Variants in PAK1 observed in about 807,000 individuals in gnomAD.
PAK1 encodes serine/threonine-protein kinase PAK 1.
Under a neutral mutation model 67.4 loss-of-function variants are expected in PAK1, and 29 were observed. The observed-to-expected ratio is 0.43, with a 90% CI of 0.32 to 0.59. PAK1 has a LOEUF of 0.59. Among genes scored for constraint, PAK1 ranks in the 20% least tolerant of loss-of-function variants. PAK1 has a pLI of 0.07. For missense variants in PAK1, 337 were observed against 670.7 expected, an observed-to-expected ratio of 0.50 and a Z score of 5.50; for synonymous variants, 223 against 237.4, an observed-to-expected ratio of 0.94 and a Z score of 0.56.
At chr11:77,492,358 C>CA in the PAK1 span, among the ~76,000 whole-genome samples, 15,801 of 140,296 alleles carry the variant, frequency 0.11, 1,498 homozygotes, top group African/African-American at 0.27. Context: ...AAAACAACAA[C>CA]AAAAAAAAAA....
At chr11:77,403,421 A>G (rs1260302795) in intron 1 of PAK1, among the ~76,000 whole-genome samples, 1 of 152,220 alleles carries the variant, frequency 6.6e-6, no homozygotes, top group Non-Finnish European at 1.5e-5. Context: ...GATTACACCC[A>G]GGACCTTATC....
Position 77,359,031 on chromosome 11 carries a change from AAAAGC to A in PAK1, c.478-19_478-15del, listed in dbSNP as rs761733356. 1 of 1,611,644 alleles carries A rather than the reference AAAAGC, an allele frequency of 6.2e-7. No homozygotes were observed. Among genetic ancestry groups the A allele is most frequent in the South Asian group, 1.1e-5 (1 of 90,972 alleles). ...AGCCTTCACATTCTGTGCAAAGAAG[AAAAGC>A]AAGATGCATCTGGTCCAGCTGCCAT... On this transcript the variant is annotated splice_polypyrimidine_tract_variant and intron_variant, in intron 5 of 14. Coordinates refer to ENST00000356341, the MANE Select transcript of PAK1 (RefSeq NM_002576.5).
chr11:77,401,356 G>C (rs1219796634), intron 1 of PAK1, among the ~76,000 whole-genome samples: 3 of 152,122 alleles, frequency 2.0e-5, no homozygotes, highest in Admixed American at 6.5e-5. Flanking sequence ...ACACCTGCTA[G>C]AGCAACAGTG....
At chr11:77,325,975 G>A (rs1482073946) in intron 14 of PAK1, among the ~76,000 whole-genome samples, 2 of 152,148 alleles carry the variant, frequency 1.3e-5, no homozygotes, top group Non-Finnish European at 2.9e-5. Flanking sequence ...CAATAGGAAA[G>A]AGATTCATAA....
chr11:77,516,725 T>G, the PAK1 span, among the ~76,000 whole-genome samples: 1 of 151,608 alleles, frequency 6.6e-6, no homozygotes, highest in African/African-American at 2.4e-5. Context: ...CTACAAAGTC[T>G]AGGCATGGTG....
intron 9 of PAK1, among the ~76,000 whole-genome samples, chr11:77,348,705 C>A (rs565058509): frequency 5.3e-5 from 8 of 152,304 alleles, no homozygotes; most frequent in African/African-American, 1.7e-4. Context: ...TCCTGTTGAA[C>A]CTACCTGCTA....
rs141093618 is a variant in PAK1 at position 77,384,855 on chromosome 11, G to A, written c.191-4861C>T. ...ATCTTATGAATATACTAAAAACCACGGAATTGTACATTTTAAGATGGTGAC... is the reference window on the plus strand; with the variant it reads ...ATCTTATGAATATACTAAAAACCACAGAATTGTACATTTTAAGATGGTGAC... On this transcript the variant is annotated intron_variant, in intron 2 of 14. Coordinates refer to ENST00000356341, the MANE Select transcript of PAK1 (RefSeq NM_002576.5). Among the ~76,000 whole-genome samples the A allele has an allele frequency of 3.1e-3, 477 of 152,054 alleles. 4 individuals are homozygous for A. Among genetic ancestry groups the A allele is most frequent in the African/African-American group, 0.011 (444 of 41,470 alleles).
At position 77,468,390 on chromosome 11, in the gene PAK1, G is replaced by A. The variant is rs4337065; in HGVS notation, c.-22+5162C>T. Among the ~76,000 whole-genome samples the A allele has an allele frequency of 3.9e-3, 600 of 152,266 alleles. 6 individuals carry two copies. Among genetic ancestry groups the A allele is most frequent in the African/African-American group, 0.014 (577 of 41,546 alleles). On this transcript the variant is annotated intron_variant, in intron 1 of 14. Coordinates refer to ENST00000356341, the MANE Select transcript of PAK1 (RefSeq NM_002576.5). The stretch of plus-strand genomic sequence containing the variant: ...AGAAGGGATAATCCGGAGAAGCCTA[G>A]CATATACATGACTTTCCCCATCTCA...
the PAK1 span, among the ~76,000 whole-genome samples, chr11:77,488,941 CAAG>C: frequency 1.3e-5 from 2 of 152,028 alleles, no homozygotes; most frequent in Non-Finnish European, 2.9e-5. Context: ...TATTCAAGTA[CAAG>C]AAGGTTATAG....
At chr11:77,355,864 T>C (rs760705562) in intron 6 of PAK1, 22 bp from the exon 7 acceptor site, 5 of 1,602,886 alleles carry the variant, frequency 3.1e-6, no homozygotes, top group East Asian at 4.5e-5. Context: ...GTGCAAAATT[T>C]TGGCAAGACC....
intron 5 of PAK1, among the ~76,000 whole-genome samples, chr11:77,365,270 A>AAAAG (rs1947374830): frequency 7.3e-5 from 8 of 109,476 alleles, no homozygotes; most frequent in African/African-American, 1.7e-4. Context: ...AAAAAAAAAG[A>AAAAG]AAAAAGAAAA....
intron 1 of PAK1, among the ~76,000 whole-genome samples, chr11:77,431,068 C>T (rs925099343): frequency 1.3e-5 from 2 of 152,070 alleles, no homozygotes; most frequent in African/African-American, 4.8e-5. Flanking sequence ...TCTGAACCAC[C>T]CCCACCCCCA....
chr11:77,478,753 C>T (rs1958086061), upstream of PAK1, among the ~76,000 whole-genome samples: 1 of 151,208 alleles, frequency 6.6e-6, no homozygotes, highest in Non-Finnish European at 1.5e-5. Context: ...GCACTCCAGC[C>T]TGGTGACAGA....
upstream of PAK1, among the ~76,000 whole-genome samples, chr11:77,478,888 A>G (rs1471345495): frequency 2.0e-5 from 3 of 149,306 alleles, no homozygotes; most frequent in Non-Finnish European, 4.4e-5. Context: ...CATCCTGGCT[A>G]ACATGGTGAA....
At chr11:77,515,540 TC>T in the PAK1 span, among the ~76,000 whole-genome samples, 1 of 152,180 alleles carries the variant, frequency 6.6e-6, no homozygotes, top group Non-Finnish European at 1.5e-5. Context: ...TAGAAAACCT[TC>T]CCACCGAAAT....
upstream of PAK1, chr11:77,474,681 G>C (rs1958029596): frequency 1.3e-5 from 2 of 152,280 alleles, no homozygotes; most frequent in South Asian, 4.1e-4. Flanking sequence ...TGTGGGAGAG[G>C]GGGCAGGGGT....
intron 1 of PAK1, among the ~76,000 whole-genome samples, chr11:77,471,726 G>C (rs1182087262): frequency 6.6e-6 from 1 of 152,168 alleles, no homozygotes; most frequent in Non-Finnish European, 1.5e-5. Context: ...TCAGGGGTAG[G>C]GGGCGCTGAT....
At chr11:77,505,877 A>C in the PAK1 span, among the ~76,000 whole-genome samples, 2 of 152,226 alleles carry the variant, frequency 1.3e-5, no homozygotes, top group African/African-American at 4.8e-5. Context: ...GTTAGAAGTA[A>C]GAGCAGGTCC....
chr11:77,389,646 T>G (rs974841028), intron 2 of PAK1, among the ~76,000 whole-genome samples: 1 of 152,260 alleles, frequency 6.6e-6, no homozygotes, highest in African/African-American at 2.4e-5. Context: ...CTTGGCCATT[T>G]GTATATGTTC....
Sources: gnomAD v4.1 joint callset for allele counts (sites outside exome capture counted in the v4.1 genomes callset) on GRCh38, gnomAD v4.1.1 for gene constraint, MANE v1.5 for transcripts, NCBI Gene and HGNC (gene_info 2026-07-23, HGNC 2026-07-21) for gene names.